The following ZNF154 variants were observed in gnomAD, a reference collection of about 807,000 sequenced individuals.
ZNF154 encodes the protein zinc finger protein 154 (pHZ-92).
In ZNF154, 6 loss-of-function variants were observed where a neutral mutation model predicts 7.5. That is an observed-to-expected ratio of 0.80 (90% CI 0.44 to 1.57). The LOEUF is 1.57. ZNF154 is among the 40% of genes most tolerant of loss of function. ZNF154 has a pLI of 0.01. For missense variants in ZNF154, 485 were observed against 531.4 expected (o/e 0.91, Z 0.86); for synonymous variants, 187 against 185.9 (o/e 1.01, Z -0.05).
At chr19:57,703,945 G>C (rs1568462247) in intron 2 of ZNF154, among the ~76,000 whole-genome samples, 1 of 152,046 alleles carries the variant, frequency 6.6e-6, no homozygotes. Context: ...GGAGGCAGAG[G>C]TTGCAGTAAG....
chr19:57,700,724 G>A lies in ZNF154; in HGVS notation c.*911C>T, dbSNP rs1985091181. ...GCTGCCTCCTCAGGCTGACCTCTAT[G>A]GCATCCAGGATATAAATTAGGACAA... On this transcript the variant is annotated 3_prime_UTR_variant, in exon 3 of 3. Coordinates refer to ENST00000684351, the MANE Select transcript of ZNF154 (RefSeq NM_001085384.3). The A allele has an allele frequency of 6.6e-6, 1 of 152,214 alleles. No homozygotes were observed. 9.4% of individuals were successfully genotyped at this position (152,214 alleles called of 1,614,324 possible). A position where few individuals can be genotyped will look rare whatever the true frequency, so the allele number is the denominator to read the frequency against.
At chr19:57,705,056 CCCCATG>C in intron 1 of ZNF154, 77 bp from the exon 2 acceptor site, 1 of 1,511,680 alleles carries the variant, frequency 6.6e-7, no homozygotes, top group Non-Finnish European at 8.8e-7. Flanking sequence ...CACATCTTTA[CCCCATG>C]CCCATTCTCT....
intron 2 of ZNF154, among the ~76,000 whole-genome samples, chr19:57,703,565 A>G (rs941305997): frequency 2.6e-5 from 4 of 152,106 alleles, no homozygotes; most frequent in African/African-American, 9.7e-5. Context: ...GAGGTATCAC[A>G]AAGAGAGAGG....
intron 1 of ZNF154, among the ~76,000 whole-genome samples, chr19:57,708,097 C>G (rs978029470): frequency 6.6e-6 from 1 of 152,136 alleles, no homozygotes; most frequent in African/African-American, 2.4e-5. Flanking sequence ...GAGCTCAAGC[C>G]TCCCTGTAGC....
chr19:57,698,126 G>C lies in ZNF154; in HGVS notation c.*3509C>G, dbSNP rs890642987. 6.6e-6 allele frequency: 1 copy of C among 151,912 alleles called. No individual in the cohort carries two copies. The highest frequency in any genetic ancestry group is 2.4e-5 in the African/African-American group (1 of 41,358). 9.4% of individuals were successfully genotyped at this position (151,912 alleles called of 1,614,324 possible). ...ATACTTCTCAGCAATACAAAAAAAA[G>C]AAACTACTCATAGAGGTATAATGAT... is the stretch of plus-strand genomic sequence containing the variant. On this transcript the variant is annotated 3_prime_UTR_variant, in exon 3 of 3. Transcript: ENST00000684351.
intron 1 of ZNF154, 90 bp from the exon 2 acceptor site, chr19:57,705,069 C>G (rs1407694699): frequency 2.0e-6 from 3 of 1,496,678 alleles, no homozygotes; most frequent in Non-Finnish European, 2.7e-6. Flanking sequence ...CATGCCCATT[C>G]TCTTCCCAAG....
rs1044558764 is a variant in ZNF154, at chr19:57,701,285, C to T, written c.*350G>A. On this transcript the variant is annotated 3_prime_UTR_variant, in exon 3 of 3. Transcript: ENST00000684351. ...GTGGTGCACACTGGTGGTCACCTGC[C>T]AGGCAGTAGAGGTAAAATGGCTTCC... The T allele has an allele frequency of 3.1e-5, 8 of 254,110 alleles. No homozygotes were observed. Among genetic ancestry groups the T allele is most frequent in the South Asian group, 1.4e-4 (2 of 14,224 alleles). The allele number at this position is 254,110 out of a possible 1,614,324, so 15.7% of individuals were successfully genotyped here.
At chr19:57,707,366 G>A (rs574735706) in intron 1 of ZNF154, among the ~76,000 whole-genome samples, 42 of 152,238 alleles carry the variant, frequency 2.8e-4, no homozygotes, top group African/African-American at 9.6e-4. Context: ...CTCCATCTCA[G>A]TTGAAGAACC....
At chr19:57,706,503 T>C (rs184597253) in intron 1 of ZNF154, among the ~76,000 whole-genome samples, 1 of 152,284 alleles carries the variant, frequency 6.6e-6, no homozygotes, top group East Asian at 1.9e-4. Flanking sequence ...ATAAACACCC[T>C]AGGCCCCATC....
At position 57,698,696 on chromosome 19, in the gene ZNF154, A is replaced by G. The variant is rs1984997692; in HGVS notation, c.*2939T>C. The G allele has an allele frequency of 6.6e-6, 1 of 152,224 alleles. No homozygotes were observed. The highest frequency in any genetic ancestry group is 1.5e-5 in the Non-Finnish European group (1 of 68,050). 9.4% of individuals were successfully genotyped at this position (152,224 alleles called of 1,614,324 possible). On this transcript the variant is annotated 3_prime_UTR_variant, in exon 3 of 3. Coordinates refer to ENST00000684351, the MANE Select transcript of ZNF154 (RefSeq NM_001085384.3). ...CATTCTTAAATAAATGTGGTTATAC[A>G]TCATTTTAATAGGCATTTCTCGCTT...
rs1984941536 is a variant in ZNF154, at chr19:57,697,439, C to T, written c.*4196G>A. 6.6e-6 allele frequency: 1 copy of T among 152,088 alleles called. No homozygotes were observed. Among genetic ancestry groups the T allele is most frequent in the Non-Finnish European group, 1.5e-5 (1 of 68,018 alleles). The allele number at this position is 152,088 out of a possible 1,614,324, so 9.4% of individuals were successfully genotyped here. Reference sequence around the variant, plus strand: ...ATAAGAAAACAAAGGTAAATGGAACCTGTAGGTTACAGACTTATGAGATAC... The same window carrying T: ...ATAAGAAAACAAAGGTAAATGGAACTTGTAGGTTACAGACTTATGAGATAC... On this transcript the variant is annotated 3_prime_UTR_variant, in exon 3 of 3. Coordinates refer to ENST00000684351, the MANE Select transcript of ZNF154 (RefSeq NM_001085384.3).
rs1418804284 is a variant in ZNF154 at position 57,696,677 on chromosome 19, C to T, written c.*4958G>A. Among the ~76,000 whole-genome samples the T allele has an allele frequency of 3.3e-5, 5 of 152,160 alleles. No individual in the cohort carries two copies. The highest frequency in any genetic ancestry group is 6.5e-5 in the Admixed American group (1 of 15,268). ...GGCAGAGGGAGGTTTTGGGTGCAGC[C>T]TCCAAGTAGGGAATGGACAGTTTCA... On this transcript the variant is annotated 3_prime_UTR_variant, in exon 3 of 3. Transcript: ENST00000684351.
At chr19:57,706,981 C>T (rs374641318) in intron 1 of ZNF154, among the ~76,000 whole-genome samples, 6 of 152,026 alleles carry the variant, frequency 3.9e-5, no homozygotes, top group African/African-American at 9.7e-5. Context: ...GGCGTGGTGG[C>T]GCATGCCTGT....
In ZNF154 at chr19:57,701,155, C is replaced by T. The variant is rs917087555; in HGVS notation, c.*480G>A. On this transcript the variant is annotated 3_prime_UTR_variant, in exon 3 of 3. Coordinates refer to ENST00000684351, the MANE Select transcript of ZNF154 (RefSeq NM_001085384.3). ...GGGTCAGGTCCATGGCCTAACTCATCAGAAAGGAAAAAAAAAAAACGGAAT... is the reference window on the plus strand; with the variant it reads ...GGGTCAGGTCCATGGCCTAACTCATTAGAAAGGAAAAAAAAAAAACGGAAT... 6.7e-6 allele frequency: 1 copy of T among 150,216 alleles called. No individual in the cohort carries two copies. 9.3% of individuals were successfully genotyped at this position (150,216 alleles called of 1,614,324 possible).
rs1442738090 is a variant in ZNF154 at position 57,701,091 on chromosome 19, C to T, written c.*544G>A. 1 of 156,026 alleles carries T rather than the reference C, an allele frequency of 6.4e-6. No individual in the cohort carries two copies. The highest frequency in any genetic ancestry group is 1.4e-5 in the Non-Finnish European group (1 of 70,444). 9.7% of individuals were successfully genotyped at this position (156,026 alleles called of 1,614,324 possible). A position where few individuals can be genotyped will look rare whatever the true frequency, so the allele number is the denominator to read the frequency against. On this transcript the variant is annotated 3_prime_UTR_variant, in exon 3 of 3. Coordinates refer to ENST00000684351, the MANE Select transcript of ZNF154 (RefSeq NM_001085384.3). ...AACAATATCCTGAAATATGTAGTCCCTCTTTTCAGGTCACCAGCAGAGTCC... is the reference window on the plus strand; with the variant it reads ...AACAATATCCTGAAATATGTAGTCCTTCTTTTCAGGTCACCAGCAGAGTCC...
chr19:57,705,488 G>A (rs1188678071), intron 1 of ZNF154, among the ~76,000 whole-genome samples: 4 of 152,218 alleles, frequency 2.6e-5, no homozygotes, highest in African/African-American at 9.6e-5. Context: ...GGGTATGGTG[G>A]CTCATGCCTG....
In ZNF154 at chr19:57,698,784, A is replaced by G. The variant is rs890414043; in HGVS notation, c.*2851T>C. On this transcript the variant is annotated 3_prime_UTR_variant, in exon 3 of 3. Transcript: ENST00000684351. ...TTATTTTAGACTATGGAAATGTTAG[A>G]CAAAACTCAAATTTCAGCGATTTTT... 6.6e-6 allele frequency: 1 copy of G among 152,126 alleles called. No individual in the cohort carries two copies. The highest frequency in any genetic ancestry group is 1.5e-5 in the Non-Finnish European group (1 of 68,016). 9.4% of individuals were successfully genotyped at this position (152,126 alleles called of 1,614,324 possible). A position where few individuals can be genotyped will look rare whatever the true frequency, so the allele number is the denominator to read the frequency against.
In ZNF154 at chr19:57,709,200, G is replaced by A. The variant is rs762672888; in HGVS notation, c.-229C>T. 4.2e-5 allele frequency: 23 copies of A among 552,372 alleles called. No homozygotes were observed. The highest frequency in any genetic ancestry group is 7.0e-5 in the Non-Finnish European group (22 of 314,240). 34.2% of individuals were successfully genotyped at this position (552,372 alleles called of 1,614,324 possible). A position where few individuals can be genotyped will look rare whatever the true frequency, so the allele number is the denominator to read the frequency against. On this transcript the variant is annotated 5_prime_UTR_variant, in exon 1 of 3. Transcript: ENST00000684351. ...ACACCTCAGAGAAGCTAAAATGGCC[G>A]CCACGAAGAGGCCCCCCCAAAAGTC...
At chr19:57,704,195 G>C (rs530500038) in intron 2 of ZNF154, among the ~76,000 whole-genome samples, 1 of 152,326 alleles carries the variant, frequency 6.6e-6, no homozygotes, top group East Asian at 1.9e-4. Flanking sequence ...AAAATGTCAA[G>C]AATGGTGAAG....
Sources: gnomAD v4.1 joint callset for allele counts (sites outside exome capture counted in the v4.1 genomes callset) on GRCh38, gnomAD v4.1.1 for gene constraint, MANE v1.5 for transcripts, NCBI Gene and HGNC (gene_info 2026-07-23, HGNC 2026-07-21) for gene names.